The following MIR2052HG variants were observed in gnomAD, a reference collection of about 807,000 sequenced individuals.
MIR2052HG encodes the protein MIR2052 host gene.
intron 2 of MIR2052HG, among the ~76,000 whole-genome samples, chr8:74,630,903 C>T (rs1211859960): frequency 1.3e-5 from 2 of 152,102 alleles, no homozygotes; most frequent in African/African-American, 2.4e-5. Flanking sequence ...AATGAGGAAA[C>T]GAGAGCTCAG....
At chr8:74,710,946 C>T (rs1232957297) in intron 4 of MIR2052HG, among the ~76,000 whole-genome samples, 1 of 152,166 alleles carries the variant, frequency 6.6e-6, no homozygotes, top group African/African-American at 2.4e-5. Flanking sequence ...CTGTGCCCCA[C>T]GTTTTGACTC....
intron 4 of MIR2052HG, among the ~76,000 whole-genome samples, chr8:74,711,523 A>G (rs985352044): frequency 6.6e-6 from 1 of 152,190 alleles, no homozygotes; most frequent in Non-Finnish European, 1.5e-5. Flanking sequence ...ATTTTGTGGA[A>G]CAGTGGTTGG....
At chr8:74,670,594 T>A (rs547908455) in intron 2 of MIR2052HG, among the ~76,000 whole-genome samples, 14 of 152,298 alleles carry the variant, frequency 9.2e-5, no homozygotes, top group Non-Finnish European at 1.9e-4. Flanking sequence ...AGGAGAGAGA[T>A]GTATTTGTGT....
chr8:74,623,497 C>G (rs1808394124), intron 2 of MIR2052HG, among the ~76,000 whole-genome samples: 1 of 152,050 alleles, frequency 6.6e-6, no homozygotes, highest in South Asian at 2.1e-4. Context: ...CTGTTCAGAA[C>G]TTAAAGATCA....
intron 4 of MIR2052HG, among the ~76,000 whole-genome samples, chr8:74,712,299 A>G (rs1809476078): frequency 6.6e-6 from 1 of 152,214 alleles, no homozygotes; most frequent in Non-Finnish European, 1.5e-5. Flanking sequence ...TAGATAGAGC[A>G]TGGAACTTGA....
At chr8:74,738,077 A>G (rs1190012847) in intron 4 of MIR2052HG, among the ~76,000 whole-genome samples, 3 of 151,908 alleles carry the variant, frequency 2.0e-5, no homozygotes, top group Non-Finnish European at 4.4e-5. Flanking sequence ...GTATGTATGT[A>G]TGATCTATGT....
intron 2 of MIR2052HG, among the ~76,000 whole-genome samples, chr8:74,652,121 G>T (rs1245334000): frequency 6.6e-6 from 1 of 152,184 alleles, no homozygotes; most frequent in Non-Finnish European, 1.5e-5. Context: ...TAGCCTCAGT[G>T]TCATCTCTGA....
chr8:74,744,900 C>G (rs919186690), intron 4 of MIR2052HG, among the ~76,000 whole-genome samples: 5 of 152,088 alleles, frequency 3.3e-5, no homozygotes, highest in African/African-American at 7.2e-5. Flanking sequence ...CTATCTGTGT[C>G]TAATAGAAAT....
intron 5 of MIR2052HG, among the ~76,000 whole-genome samples, chr8:74,754,438 T>C (rs1405361970): frequency 3.3e-5 from 5 of 152,134 alleles, no homozygotes; most frequent in African/African-American, 4.8e-5. Flanking sequence ...AATGTCTGAT[T>C]TGGGGGCTCA....
intron 2 of MIR2052HG, among the ~76,000 whole-genome samples, chr8:74,678,563 C>CAAAAAAAAA (rs763073114): frequency 7.5e-5 from 4 of 53,514 alleles, no homozygotes; most frequent in Non-Finnish European, 1.0e-4. Context: ...GAGTTTGTCT[C>CAAAAAAAAA]AAAAAAAAAA....
chr8:74,715,799 A>T (rs1401195222), intron 4 of MIR2052HG, among the ~76,000 whole-genome samples: 1 of 152,206 alleles, frequency 6.6e-6, no homozygotes, highest in Non-Finnish European at 1.5e-5. Flanking sequence ...ATACTTGCCA[A>T]GAAAATTATG....
At chr8:74,604,695 G>A (rs192196286) in intron 1 of MIR2052HG, among the ~76,000 whole-genome samples, 13 of 138,270 alleles carry the variant, frequency 9.4e-5, no homozygotes, top group African/African-American at 2.7e-4. Context: ...CCAGATTCAA[G>A]CGACTCTCCT....
intron 2 of MIR2052HG, among the ~76,000 whole-genome samples, chr8:74,669,355 T>G (rs1442148601): frequency 1.3e-5 from 2 of 152,158 alleles, no homozygotes; most frequent in African/African-American, 4.8e-5. Flanking sequence ...TCTCACCATT[T>G]CTACTGCTGT....
intron 4 of MIR2052HG, among the ~76,000 whole-genome samples, chr8:74,721,650 C>T (rs928205913): frequency 6.6e-6 from 1 of 152,152 alleles, no homozygotes; most frequent in South Asian, 2.1e-4. Flanking sequence ...AAGCTGCATT[C>T]CAAGAGGGTG....
chr8:74,751,502 G>A (rs771683749), intron 4 of MIR2052HG, among the ~76,000 whole-genome samples: 5 of 152,182 alleles, frequency 3.3e-5, no homozygotes, highest in East Asian at 3.8e-4. Flanking sequence ...ACAAGTTTAC[G>A]TATTAATTGG....
At chr8:74,639,105 G>C (rs1427265956) in intron 2 of MIR2052HG, among the ~76,000 whole-genome samples, 1 of 152,168 alleles carries the variant, frequency 6.6e-6, no homozygotes, top group Non-Finnish European at 1.5e-5. Flanking sequence ...AAATAGGTTT[G>C]AGTAGCCTTG....
At chr8:74,718,233 G>A (rs1174006267) in intron 4 of MIR2052HG, among the ~76,000 whole-genome samples, 5 of 152,220 alleles carry the variant, frequency 3.3e-5, no homozygotes, top group Admixed American at 6.6e-5. Flanking sequence ...ATGATGACAC[G>A]AATTTAAGGA....
chr8:74,651,678 C>T (rs1808754487), intron 2 of MIR2052HG, among the ~76,000 whole-genome samples: 1 of 152,040 alleles, frequency 6.6e-6, no homozygotes, highest in Admixed American at 6.6e-5. Context: ...TATTCTTGGC[C>T]AGAGAACTTC....
chr8:74,645,896 C>A (rs1808686215), intron 2 of MIR2052HG, among the ~76,000 whole-genome samples: 1 of 152,114 alleles, frequency 6.6e-6, no homozygotes, highest in African/African-American at 2.4e-5. Context: ...ACAACCTAAG[C>A]CTATGTTTTT....
Sources: gnomAD v4.1 joint callset for allele counts (sites outside exome capture counted in the v4.1 genomes callset) on GRCh38, gnomAD v4.1.1 for gene constraint, MANE v1.5 for transcripts, NCBI Gene and HGNC (gene_info 2026-07-23, HGNC 2026-07-21) for gene names.